CLN6: variants seen among roughly 807,000 people sequenced by gnomAD.
CLN6 encodes CLN6 transmembrane ER protein, also known as ceroid-lipofuscinosis neuronal protein 6.
CLN6 carries 22 observed loss-of-function variants against 33.3 expected under a neutral mutation model. The observed-to-expected ratio is 0.66, with a 90% CI of 0.47 to 0.94. The LOEUF (loss-of-function observed/expected upper bound fraction) is 0.94, where lower values mean the gene tolerates loss of function less well. CLN6 is among the 40% of genes least tolerant of loss of function. The probability of loss-of-function intolerance (pLI) is 0.00; values close to 1 mark genes in which losing one functional copy is unlikely to be tolerated. For synonymous variants in CLN6, 201 were observed against 174.6 expected, an observed-to-expected ratio of 1.15 and a Z score of -1.19; for missense variants, 387 against 417.1, an observed-to-expected ratio of 0.93 and a Z score of 0.63.
At chr15:68,239,801 A>G (rs1892265551) in intron 1 of CLN6, among the ~76,000 whole-genome samples, 1 of 152,212 alleles carries the variant, frequency 6.6e-6, no homozygotes, top group Admixed American at 6.5e-5. Context: ...CATTCTTTTC[A>G]AGGACACTTG....
intron 1 of CLN6, among the ~76,000 whole-genome samples, chr15:68,250,538 T>A (rs1218257528): frequency 6.7e-6 from 1 of 148,834 alleles, no homozygotes; most frequent in Non-Finnish European, 1.5e-5. Flanking sequence ...GGCAAGAGAA[T>A]CGCTTGAATC....
intron 1 of CLN6, among the ~76,000 whole-genome samples, chr15:68,237,182 A>AC (rs1892228697): frequency 2.1e-5 from 3 of 146,072 alleles, no homozygotes; most frequent in Admixed American, 6.8e-5. Flanking sequence ...AAAAAAAAAA[A>AC]AAAAAAACTG....
At position 68,208,762 on chromosome 15, in the gene CLN6, C is replaced by T. The variant is rs546309533; in HGVS notation, c.666-352G>A. On this transcript the variant is annotated intron_variant, in intron 6 of 6. Transcript: ENST00000249806. The surrounding 1 kb of genome is among the most constrained non-coding windows in gnomAD (Gnocchi z 5.8). ...TTGCCATTACGACGGCAGCCACCCC[C>T]GCGGCAGGATGCCGGGGTAAGAACC... 9.2e-5 allele frequency among the ~76,000 whole-genome samples: 14 copies of T among 152,350 alleles called. No individual in the cohort carries two copies. The highest frequency in any genetic ancestry group is 2.1e-4 in the South Asian group (1 of 4,832).
Position 68,209,113 on chromosome 15 carries a change from G to A in CLN6, c.665+524C>T, listed in dbSNP as rs1430770360. 6.6e-6 allele frequency among the ~76,000 whole-genome samples: 1 copy of A among 152,232 alleles called. No individual in the cohort carries two copies. The highest frequency in any genetic ancestry group is 1.5e-5 in the Non-Finnish European group (1 of 68,026). On this transcript the variant is annotated intron_variant, in intron 6 of 6. Transcript: ENST00000249806. This position sits in a 1 kb window ranked among gnomAD's most constrained non-coding sequence, Gnocchi z 4.9. ...TAAGTCCTCTGCAATGGGAAGAAGA[G>A]AGAGCCAGAGGGAACAAAGACCCAA...
chr15:68,221,095 C>A (rs1444476181), intron 1 of CLN6, among the ~76,000 whole-genome samples: 1 of 151,816 alleles, frequency 6.6e-6, no homozygotes, highest in Non-Finnish European at 1.5e-5. Context: ...CAATAATCAA[C>A]CCACATCAGC....
chr15:68,212,012 C>T, intron 3 of CLN6, 149 bp from the exon 4 acceptor site: 1 of 747,998 alleles, frequency 1.3e-6, no homozygotes. Context: ...GCAGGCCAGC[C>T]CAGCCTCCAG....
chr15:68,216,606 T>C (rs2093221186), intron 2 of CLN6, among the ~76,000 whole-genome samples: 1 of 152,202 alleles, frequency 6.6e-6, no homozygotes, highest in African/African-American at 2.4e-5. Flanking sequence ...TCTCCTTAAA[T>C]ATTCCAGGTT....
chr15:68,219,459 AG>A lies in CLN6; in HGVS notation c.84-810del, dbSNP rs1225762837. Among the ~76,000 whole-genome samples, 3 of 152,326 alleles carry A rather than the reference AG, an allele frequency of 2.0e-5. No homozygotes were observed. The South Asian group carries it at 6.2e-4, about 32-fold the overall frequency. ...AGCAAGGTGATGTGAGAGACACAGC[AG>A]GAAGTGGAGTACTGCCTCACGATAC... On this transcript the variant is annotated intron_variant, in intron 1 of 6. Coordinates refer to ENST00000249806, the MANE Select transcript of CLN6 (RefSeq NM_017882.3). This position sits in a 1 kb window ranked among gnomAD's most constrained non-coding sequence, Gnocchi z 4.2.
Position 68,209,526 on chromosome 15 carries a change from G to C in CLN6, c.665+111C>G. ...ACACAAGAAGAAGCACGGGCCCAAAGAGGGCCAGTCTCCCTGGGGCCACAC... is the reference window on the plus strand; with the variant it reads ...ACACAAGAAGAAGCACGGGCCCAAACAGGGCCAGTCTCCCTGGGGCCACAC... On this transcript the variant is annotated intron_variant, in intron 6 of 6. Transcript: ENST00000249806. This position sits in a 1 kb window ranked among gnomAD's most constrained non-coding sequence, Gnocchi z 4.9. 1 of 1,450,094 alleles carries C rather than the reference G, an allele frequency of 6.9e-7. No individual in the cohort carries two copies. The highest frequency in any genetic ancestry group is 9.6e-7 in the Non-Finnish European group (1 of 1,047,100). 89.8% of individuals were successfully genotyped at this position (1,450,094 alleles called of 1,614,324 possible).
In CLN6 at chr15:68,242,001, A is replaced by G. The variant is rs1892283718; in HGVS notation, c.179+14689T>C. Among the ~76,000 whole-genome samples, 1 of 152,204 alleles carries G rather than the reference A, an allele frequency of 6.6e-6. No homozygotes were observed. Among genetic ancestry groups the G allele is most frequent in the Non-Finnish European group, 1.5e-5 (1 of 68,036 alleles). ...CAGGCCACACAGAGAAGACTAGAAT[A>G]AATAAATAATCCTTCAATGCAAAGA... On this transcript the variant is annotated intron_variant, in intron 1 of 6. Transcript: ENST00000538696. This position sits in a 1 kb window ranked among gnomAD's most constrained non-coding sequence, Gnocchi z 5.0.
rs776501944 is a variant in CLN6, at chr15:68,211,351, G to A, written c.487-33C>T. 1 of 1,612,104 alleles carries A rather than the reference G, an allele frequency of 6.2e-7. No homozygotes were observed. Among genetic ancestry groups the A allele is most frequent in the East Asian group, 2.2e-5 (1 of 44,860 alleles). Reference sequence around the variant, plus strand: ...AGGAACGGGCAGGGCAGAGTCGGGGGATGTCGATGTCAGTCCAGGGAGGTG... The same window carrying A: ...AGGAACGGGCAGGGCAGAGTCGGGGAATGTCGATGTCAGTCCAGGGAGGTG... On this transcript the variant is annotated intron_variant, in intron 4 of 6. Transcript: ENST00000249806. This position sits in a 1 kb window ranked among gnomAD's most constrained non-coding sequence, Gnocchi z 5.9.
At chr15:68,249,992 C>G (rs539188998) in intron 1 of CLN6, among the ~76,000 whole-genome samples, 1 of 152,026 alleles carries the variant, frequency 6.6e-6, no homozygotes, top group African/African-American at 2.4e-5. Flanking sequence ...AGGCCGATCT[C>G]GAACTCCTGA....
chr15:68,235,317 A>C (rs1892208614), intron 1 of CLN6, among the ~76,000 whole-genome samples: 1 of 152,114 alleles, frequency 6.6e-6, no homozygotes, highest in Non-Finnish European at 1.5e-5. Context: ...AACTGCCTGA[A>C]CGGAGAGGCC....
intron 1 of CLN6, among the ~76,000 whole-genome samples, chr15:68,221,231 A>ACCCCCCCCCCCCCCCCCCCCCCCCCC (rs1595822598): frequency 8.6e-6 from 1 of 116,238 alleles, no homozygotes; most frequent in African/African-American, 3.4e-5. Flanking sequence ...CCCTCCCCCA[A>ACCCCCCCCCCCCCCCCCCCCCCCCCC]CCCTCCCCCT....
At chr15:68,254,533 T>C in intron 1 of CLN6, 1 of 421,626 alleles carries the variant, frequency 2.4e-6, no homozygotes, top group East Asian at 4.6e-5. Context: ...GTTGAAATGA[T>C]AATATTTTGA....
Position 68,208,088 on chromosome 15 carries a change from T to A in CLN6, c.*52A>T. The A allele has an allele frequency of 6.5e-7, 1 of 1,532,238 alleles. No homozygotes were observed. The highest frequency in any genetic ancestry group is 8.8e-7 in the Non-Finnish European group (1 of 1,130,252). 94.9% of individuals were successfully genotyped at this position (1,532,238 alleles called of 1,614,324 possible). On this transcript the variant is annotated 3_prime_UTR_variant, in exon 7 of 7. Coordinates refer to ENST00000249806, the MANE Select transcript of CLN6 (RefSeq NM_017882.3). The surrounding 1 kb of genome is among the most constrained non-coding windows in gnomAD (Gnocchi z 5.8). ...CCCCTACTCCTGTATTCAGATGCCC[T>A]CCATGGCCCACCCTCCCACCCAGCA...
At position 68,209,556 on chromosome 15, in the gene CLN6, G is replaced by T; in HGVS notation, c.665+81C>A. 6.3e-7 allele frequency: 1 copy of T among 1,580,750 alleles called. No individual in the cohort carries two copies. The highest frequency in any genetic ancestry group is 8.6e-7 in the Non-Finnish European group (1 of 1,160,428). On this transcript the variant is annotated intron_variant, in intron 6 of 6. Transcript: ENST00000249806. The surrounding 1 kb of genome is among the most constrained non-coding windows in gnomAD (Gnocchi z 4.9). ...CCAGTCTCCCTGGGGCCACACAGCA[G>T]GTCCATTGGCAAGTGCAGAATTTTG...
chr15:68,229,862 C>T (rs2093265251), upstream of CLN6: 2 of 253,122 alleles, frequency 7.9e-6, no homozygotes, highest in Non-Finnish European at 1.4e-5. Context: ...GGGGCGGGGG[C>T]TGCTGGCCTG....
upstream of CLN6, among the ~76,000 whole-genome samples, chr15:68,231,179 G>A (rs939607738): frequency 7.9e-5 from 12 of 152,044 alleles, no homozygotes; most frequent in African/African-American, 2.9e-4. Context: ...TTGGCTGTGG[G>A]AGGCTAGGAC....
Sources: gnomAD v4.1 joint callset for allele counts (sites outside exome capture counted in the v4.1 genomes callset) on GRCh38, gnomAD v4.1.1 for gene constraint, Gnocchi (gnomAD v3.1) non-coding constraint, MANE v1.5 for transcripts, NCBI Gene and HGNC (gene_info 2026-07-23, HGNC 2026-07-21) for gene names.